IQSEC1: variants seen among roughly 807,000 people sequenced by gnomAD.
IQSEC1 encodes the protein IQ motif and SEC7 domain-containing protein 1.
In IQSEC1, 31 loss-of-function variants were observed where a neutral mutation model predicts 91.0. The ratio of observed to expected loss-of-function variants is 0.34; its 90% CI spans 0.26 to 0.46. IQSEC1 has a LOEUF of 0.46. IQSEC1 is among the 20% of genes least tolerant of loss of function. IQSEC1 has a pLI of 1.00. For missense variants in IQSEC1, 1,388 were observed against 1,575.6 expected (o/e 0.88, Z 2.02); for synonymous variants, 699 against 662.6 (o/e 1.05, Z -0.84).
intron 2 of IQSEC1, among the ~76,000 whole-genome samples, chr3:13,133,773 C>T (rs1706662838): frequency 1.3e-5 from 2 of 152,248 alleles, no homozygotes; most frequent in South Asian, 2.1e-4. Flanking sequence ...CTTGGCCCAG[C>T]CCAACGGGCA....
chr3:12,965,530 A>G (rs1700508394), intron 1 of IQSEC1, among the ~76,000 whole-genome samples: 1 of 152,220 alleles, frequency 6.6e-6, no homozygotes, highest in African/African-American at 2.4e-5. Flanking sequence ...TCTGAGGCTG[A>G]TGCGTGAACT....
At chr3:13,026,871 TTTTTTTTGTTTG>T (rs1444562148) in intron 1 of IQSEC1, among the ~76,000 whole-genome samples, 6 of 51,696 alleles carry the variant, frequency 1.2e-4, no homozygotes, top group East Asian at 1.5e-3. Context: ...CCAGTTTTTT[TTTTTTTTGTTTG>T]TTTTTTTTTT....
intron 1 of IQSEC1, among the ~76,000 whole-genome samples, chr3:13,185,553 C>G (rs1693916656): frequency 6.6e-6 from 1 of 152,200 alleles, no homozygotes; most frequent in African/African-American, 2.4e-5. Context: ...ATGGCCAAAA[C>G]AGCAGCTTGA....
At chr3:13,240,101 G>A (rs1021378350) in intron 1 of IQSEC1, among the ~76,000 whole-genome samples, 1 of 152,110 alleles carries the variant, frequency 6.6e-6, no homozygotes, top group African/African-American at 2.4e-5. Context: ...TTGGCCGGCC[G>A]GGTGTGGTGG....
At chr3:13,191,053 C>T (rs543002161) in intron 1 of IQSEC1, among the ~76,000 whole-genome samples, 1 of 152,334 alleles carries the variant, frequency 6.6e-6, no homozygotes, top group South Asian at 2.1e-4. Flanking sequence ...GCAGGACATA[C>T]CCCGGTTCAG....
chr3:12,977,143 T>TA (rs1322119344), intron 1 of IQSEC1, among the ~76,000 whole-genome samples: 1 of 152,096 alleles, frequency 6.6e-6, no homozygotes, highest in African/African-American at 2.4e-5. Flanking sequence ...GCTCAGGAGT[T>TA]AGAGACTAGC....
At chr3:13,180,382 T>C (rs372350000) in intron 1 of IQSEC1, among the ~76,000 whole-genome samples, 1 of 151,378 alleles carries the variant, frequency 6.6e-6, no homozygotes, top group Non-Finnish European at 1.5e-5. Context: ...CCACACTCTG[T>C]ATCTAGCTAA....
rs9836649 is a variant in IQSEC1, at chr3:13,010,222, C to T, written c.23+62770G>A. Among the ~76,000 whole-genome samples, 755 of 152,322 alleles carry T rather than the reference C, an allele frequency of 5.0e-3. 8 individuals carry two copies. The highest frequency in any genetic ancestry group is 0.017 in the African/African-American group (724 of 41,564). On this transcript the variant is annotated intron_variant, in intron 1 of 13. Transcript: ENST00000613206. Reference sequence around the variant, plus strand: ...TCTTAGCAGGTCGCAATGGTGGATGCAGGATGTTTCTGCCTGACCAGCCTC... The same window carrying T: ...TCTTAGCAGGTCGCAATGGTGGATGTAGGATGTTTCTGCCTGACCAGCCTC...
In IQSEC1 at chr3:12,967,991, T is replaced by C. The variant is rs1470590790; in HGVS notation, c.24-26126A>G. Reference sequence around the variant, plus strand: ...AGCGCAAGGGCGGAGTCCCAGACACTGCATCCAGGTCCCAGCGCGCGAAGC... The same window carrying C: ...AGCGCAAGGGCGGAGTCCCAGACACCGCATCCAGGTCCCAGCGCGCGAAGC... On this transcript the variant is annotated intron_variant, in intron 1 of 13. Transcript: ENST00000613206. This position sits in a 1 kb window ranked among gnomAD's most constrained non-coding sequence, Gnocchi z 5.9. 2.6e-5 allele frequency among the ~76,000 whole-genome samples: 4 copies of C among 152,170 alleles called. No individual in the cohort carries two copies. Among genetic ancestry groups the C allele is most frequent in the African/African-American group, 7.2e-5 (3 of 41,440 alleles).
intron 2 of IQSEC1, among the ~76,000 whole-genome samples, chr3:13,153,782 G>A (rs1026629443): frequency 2.0e-5 from 3 of 152,192 alleles, no homozygotes; most frequent in African/African-American, 7.2e-5. Flanking sequence ...CACCTTCCCA[G>A]CTGGGCAGTG....
intron 1 of IQSEC1, among the ~76,000 whole-genome samples, chr3:13,269,997 C>T (rs949537958): frequency 2.0e-5 from 3 of 152,136 alleles, no homozygotes; most frequent in African/African-American, 7.2e-5. Context: ...CTCTGGGGGC[C>T]CCTAGGCCAC....
At chr3:12,905,200 A>G (rs1337569411) in intron 12 of IQSEC1, among the ~76,000 whole-genome samples, 1 of 152,244 alleles carries the variant, frequency 6.6e-6, no homozygotes, top group Non-Finnish European at 1.5e-5. Flanking sequence ...CGTGCTGATC[A>G]GGCCAAGCCA....
At chr3:13,192,062 A>G (rs1335714283) in intron 1 of IQSEC1, among the ~76,000 whole-genome samples, 3 of 152,134 alleles carry the variant, frequency 2.0e-5, no homozygotes, top group Admixed American at 6.5e-5. Flanking sequence ...TTGGCTGGGC[A>G]CGGTGGCTCA....
intron 1 of IQSEC1, among the ~76,000 whole-genome samples, chr3:13,174,411 A>C (rs1693678231): frequency 6.6e-6 from 1 of 151,998 alleles, no homozygotes; most frequent in Non-Finnish European, 1.5e-5. Flanking sequence ...TCCTGAGCTC[A>C]CCTTTAGGAC....
At chr3:13,273,575 C>T (rs1449888999) in intron 1 of IQSEC1, among the ~76,000 whole-genome samples, 1 of 152,160 alleles carries the variant, frequency 6.6e-6, no homozygotes, top group Admixed American at 6.5e-5. Flanking sequence ...AGGGTGGGGC[C>T]GTGTGCCTTC....
At chr3:13,086,569 C>G (rs759837062) in intron 2 of IQSEC1, among the ~76,000 whole-genome samples, 1 of 152,190 alleles carries the variant, frequency 6.6e-6, no homozygotes, top group Admixed American at 6.5e-5. Context: ...AAATCAGACC[C>G]ATCCCGCCAG....
chr3:12,997,619 T>C (rs1382202478), intron 1 of IQSEC1, among the ~76,000 whole-genome samples: 1 of 152,242 alleles, frequency 6.6e-6, no homozygotes, highest in African/African-American at 2.4e-5. Flanking sequence ...CTAGGCTATA[T>C]GGTATGGCCT....
chr3:13,225,217 A>G (rs1171540441), intron 1 of IQSEC1, among the ~76,000 whole-genome samples: 1 of 152,246 alleles, frequency 6.6e-6, no homozygotes, highest in Non-Finnish European at 1.5e-5. Context: ...TGGGGCATGA[A>G]CGTCCCTTTT....
At chr3:13,092,720 A>C (rs1307589919) in intron 2 of IQSEC1, among the ~76,000 whole-genome samples, 1 of 152,162 alleles carries the variant, frequency 6.6e-6, no homozygotes, top group African/African-American at 2.4e-5. Context: ...AACCCCTCTG[A>C]TGGTGGCCTC....
Sources: gnomAD v4.1 joint callset for allele counts (sites outside exome capture counted in the v4.1 genomes callset) on GRCh38, gnomAD v4.1.1 for gene constraint, Gnocchi (gnomAD v3.1) non-coding constraint, MANE v1.5 for transcripts, NCBI Gene and HGNC (gene_info 2026-07-23, HGNC 2026-07-21) for gene names.